Variants in NUBPL observed in about 807,000 individuals in gnomAD.
The protein encoded by NUBPL is NUBP iron-sulfur cluster assembly factor, mitochondrial.
Under a neutral mutation model 45.7 loss-of-function variants are expected in NUBPL, and 31 were observed. The observed-to-expected ratio is 0.68, with a 90% CI of 0.51 to 0.92. NUBPL has a LOEUF of 0.92. NUBPL is among the 40% of genes least tolerant of loss of function. The pLI is 0.00. For synonymous variants in NUBPL, 144 were observed against 140.9 expected, an observed-to-expected ratio of 1.02 and a Z score of -0.15; for missense variants, 401 against 398.7, an observed-to-expected ratio of 1.01 and a Z score of -0.05.
chr14:31,586,490 G>A (rs904852155), intron 3 of NUBPL, among the ~76,000 whole-genome samples: 1 of 152,160 alleles, frequency 6.6e-6, no homozygotes, highest in Non-Finnish European at 1.5e-5. Flanking sequence ...ACAGAAAGTA[G>A]CTCAACTAGA....
chr14:31,692,073 T>C (rs1566503935), intron 6 of NUBPL, among the ~76,000 whole-genome samples: 1 of 152,168 alleles, frequency 6.6e-6, no homozygotes, highest in Non-Finnish European at 1.5e-5. Flanking sequence ...TTAGGAAAAA[T>C]AGGCAGATAT....
intron 7 of NUBPL, among the ~76,000 whole-genome samples, chr14:31,803,715 T>C (rs1322093299): frequency 6.6e-6 from 1 of 152,194 alleles, no homozygotes; most frequent in East Asian, 1.9e-4. Context: ...ATTCATCAAG[T>C]TAAAAAATTC....
intron 6 of NUBPL, among the ~76,000 whole-genome samples, chr14:31,755,043 G>A (rs2038626366): frequency 6.6e-6 from 1 of 151,526 alleles, no homozygotes; most frequent in African/African-American, 2.4e-5. Flanking sequence ...GTTTTTTATG[G>A]CTGCATAGTA....
chr14:31,601,230 G>A (rs1267251424), intron 4 of NUBPL, among the ~76,000 whole-genome samples: 41 of 152,264 alleles, frequency 2.7e-4, no homozygotes, highest in African/African-American at 8.4e-4. Flanking sequence ...TTGACTTGGT[G>A]ATGCAGGCTC....
chr14:31,612,838 C>G (rs2034796956), intron 4 of NUBPL, among the ~76,000 whole-genome samples: 1 of 152,114 alleles, frequency 6.6e-6, no homozygotes, highest in South Asian at 2.1e-4. Flanking sequence ...CCCTTGTATA[C>G]TGTTGGTGTA....
At chr14:31,562,280 T>TAA in intron 2 of NUBPL, 65 bp downstream of exon 2, 1 of 1,408,236 alleles carries the variant, frequency 7.1e-7, no homozygotes, top group South Asian at 1.3e-5. Flanking sequence ...TGCACACTAT[T>TAA]GAAATTATAG....
intron 6 of NUBPL, among the ~76,000 whole-genome samples, chr14:31,765,754 A>G (rs1433189914): frequency 6.6e-6 from 1 of 152,224 alleles, no homozygotes; most frequent in Admixed American, 6.5e-5. Context: ...ATGATTTTAA[A>G]GCTATCTTTG....
intron 3 of NUBPL, among the ~76,000 whole-genome samples, chr14:31,587,437 A>T (rs1166256880): frequency 6.6e-6 from 1 of 152,212 alleles, no homozygotes; most frequent in Non-Finnish European, 1.5e-5. Context: ...CACTAGTATA[A>T]CGCCTGGCAC....
chr14:31,766,364 T>C (rs748014839), intron 6 of NUBPL, among the ~76,000 whole-genome samples: 22 of 152,160 alleles, frequency 1.4e-4, no homozygotes, highest in Non-Finnish European at 2.6e-4. Flanking sequence ...AAAAGCAGCC[T>C]CCGGTTGGAA....
chr14:31,622,375 G>C (rs540823072), intron 4 of NUBPL, among the ~76,000 whole-genome samples: 10 of 152,126 alleles, frequency 6.6e-5, no homozygotes, highest in African/African-American at 2.2e-4. Context: ...CGTTTTTTTG[G>C]GGGGAGAAAT....
At chr14:31,689,550 T>C (rs1014269097) in intron 6 of NUBPL, among the ~76,000 whole-genome samples, 1 of 152,204 alleles carries the variant, frequency 6.6e-6, no homozygotes, top group Non-Finnish European at 1.5e-5. Flanking sequence ...TCCTTACAGA[T>C]GCTGGATATT....
intron 6 of NUBPL, among the ~76,000 whole-genome samples, chr14:31,715,357 G>A (rs1165860346): frequency 1.3e-5 from 2 of 152,114 alleles, no homozygotes; most frequent in Non-Finnish European, 2.9e-5. Context: ...GTACAGTCAT[G>A]TTTTGCTTAA....
At position 31,811,909 on chromosome 14, in the gene NUBPL, A is replaced by G. The variant is rs372818575; in HGVS notation, c.608-14720A>G. Among the ~76,000 whole-genome samples the G allele has an allele frequency of 1.3e-4, 20 of 152,312 alleles. 1 individual carries two copies. The highest frequency in any genetic ancestry group is 4.8e-4 in the African/African-American group (20 of 41,554). On this transcript the variant is annotated intron_variant, in intron 7 of 10. Transcript: ENST00000281081. ...TGCAGGTCTGTTTGATTTTGCTAGA[A>G]GTCCACTTCAGACCCTGTTTTCCTG...
At chr14:31,653,399 T>G (rs1308260021) in intron 4 of NUBPL, among the ~76,000 whole-genome samples, 1 of 151,948 alleles carries the variant, frequency 6.6e-6, no homozygotes, top group East Asian at 1.9e-4. Context: ...TTTATAGACC[T>G]CCCCCGAGGA....
intron 7 of NUBPL, among the ~76,000 whole-genome samples, chr14:31,798,167 T>C (rs1349143832): frequency 1.3e-5 from 2 of 152,150 alleles, no homozygotes; most frequent in African/African-American, 4.8e-5. Context: ...TTCCTATGAG[T>C]GCCTCACCCT....
chr14:31,849,905 A>G (rs571330399), intron 9 of NUBPL: 42 of 582,882 alleles, frequency 7.2e-5, no homozygotes, highest in African/African-American at 6.7e-4. Flanking sequence ...GAGCTTTCCT[A>G]TATAAACATA....
intron 6 of NUBPL, among the ~76,000 whole-genome samples, chr14:31,765,744 A>G (rs979394486): frequency 6.6e-6 from 1 of 152,176 alleles, no homozygotes; most frequent in Admixed American, 6.5e-5. Flanking sequence ...TATTTTACCA[A>G]TGATTTTAAA....
intron 8 of NUBPL, among the ~76,000 whole-genome samples, chr14:31,841,361 TTTG>T (rs1396604181): frequency 2.6e-5 from 4 of 152,236 alleles, no homozygotes; most frequent in Non-Finnish European, 5.9e-5. Flanking sequence ...AATTTTGTTT[TTTG>T]TTTAGTCATA....
chr14:31,677,414 C>T (rs2036726464), intron 6 of NUBPL, among the ~76,000 whole-genome samples: 1 of 152,062 alleles, frequency 6.6e-6, no homozygotes, highest in Admixed American at 6.5e-5. Flanking sequence ...TTTTAGGTAC[C>T]ACAGATAAGT....
Sources: gnomAD v4.1 joint callset for allele counts (sites outside exome capture counted in the v4.1 genomes callset) on GRCh38, gnomAD v4.1.1 for gene constraint, MANE v1.5 for transcripts, NCBI Gene and HGNC (gene_info 2026-07-23, HGNC 2026-07-21) for gene names.